The following STAC variants were observed in gnomAD, a reference collection of about 807,000 sequenced individuals.
The protein encoded by STAC is SH3 and cysteine-rich domain-containing protein.
In STAC, 43 loss-of-function variants were observed where a neutral mutation model predicts 48.8. The ratio of observed to expected loss-of-function variants is 0.88; its 90% CI spans 0.69 to 1.14. The LOEUF (loss-of-function observed/expected upper bound fraction) is 1.14. Among genes scored for constraint, STAC ranks in the 50% most tolerant of loss-of-function variants. STAC has a pLI of 0.00. For missense variants in STAC, 497 were observed against 504.0 expected (o/e 0.99, Z 0.13); for synonymous variants, 193 against 179.5 (o/e 1.07, Z -0.60).
intron 1 of STAC, among the ~76,000 whole-genome samples, chr3:36,387,119 C>A (rs1427459076): frequency 6.6e-6 from 1 of 152,066 alleles, no homozygotes; most frequent in African/African-American, 2.4e-5. Flanking sequence ...TATGTGAGGG[C>A]AGATCCATGA....
At chr3:36,490,429 G>A (rs928912756) in intron 5 of STAC, among the ~76,000 whole-genome samples, 1 of 152,154 alleles carries the variant, frequency 6.6e-6, no homozygotes, top group African/African-American at 2.4e-5. Context: ...TCAGAGTAGA[G>A]AGATCTCTGT....
At chr3:36,508,875 G>T (rs1480908979) in intron 8 of STAC, among the ~76,000 whole-genome samples, 2 of 152,076 alleles carry the variant, frequency 1.3e-5, no homozygotes, top group African/African-American at 2.4e-5. Flanking sequence ...TATCCAATTT[G>T]CCAGTCTGCA....
chr3:36,446,178 G>T (rs1696504035), intron 2 of STAC, among the ~76,000 whole-genome samples: 1 of 152,170 alleles, frequency 6.6e-6, no homozygotes, highest in African/African-American at 2.4e-5. Flanking sequence ...ATGCCCTCCA[G>T]CTAACCTAAC....
At chr3:36,467,645 T>G (rs1371410518) in intron 2 of STAC, among the ~76,000 whole-genome samples, 1 of 152,136 alleles carries the variant, frequency 6.6e-6, no homozygotes, top group African/African-American at 2.4e-5. Flanking sequence ...GCATTCATAG[T>G]AACCTTGAAT....
intron 2 of STAC, among the ~76,000 whole-genome samples, chr3:36,474,635 A>T (rs886272101): frequency 6.6e-6 from 1 of 152,192 alleles, no homozygotes; most frequent in African/African-American, 2.4e-5. Flanking sequence ...ATAAAAATAA[A>T]GCAATGGAAA....
At chr3:36,392,674 A>G (rs1162827161) in intron 1 of STAC, among the ~76,000 whole-genome samples, 1 of 152,048 alleles carries the variant, frequency 6.6e-6, no homozygotes, top group East Asian at 1.9e-4. Flanking sequence ...GCCCCTGCAG[A>G]GCTTTCAGGT....
chr3:36,445,829 C>A (rs566236769), intron 2 of STAC, among the ~76,000 whole-genome samples: 5 of 152,122 alleles, frequency 3.3e-5, no homozygotes, highest in Non-Finnish European at 7.3e-5. Context: ...TAATGATAGC[C>A]AAGAAGAATC....
At chr3:36,448,369 G>A (rs547899152) in intron 2 of STAC, among the ~76,000 whole-genome samples, 1 of 151,786 alleles carries the variant, frequency 6.6e-6, no homozygotes, top group Non-Finnish European at 1.5e-5. Context: ...TTACAGGCAG[G>A]TGCCACTGTC....
intron 1 of STAC, among the ~76,000 whole-genome samples, chr3:36,430,151 C>G (rs1415105697): frequency 6.6e-6 from 1 of 152,216 alleles, no homozygotes; most frequent in Non-Finnish European, 1.5e-5. Flanking sequence ...TCCATTCATT[C>G]AATTACTCAA....
intron 8 of STAC, among the ~76,000 whole-genome samples, chr3:36,518,442 T>C (rs910662146): frequency 6.6e-6 from 1 of 152,098 alleles, no homozygotes. Flanking sequence ...AAAAAAAGAC[T>C]ATAAGCCAAG....
chr3:36,455,357 T>C (rs1422100279), intron 2 of STAC, among the ~76,000 whole-genome samples: 1 of 152,198 alleles, frequency 6.6e-6, no homozygotes, highest in East Asian at 1.9e-4. Context: ...GAATCCTGGA[T>C]GCACTTAAGA....
At chr3:36,466,266 T>C (rs1288630354) in intron 2 of STAC, among the ~76,000 whole-genome samples, 5 of 152,198 alleles carry the variant, frequency 3.3e-5, no homozygotes, top group African/African-American at 1.2e-4. Flanking sequence ...TATGTGCCTA[T>C]TTTTATACCA....
chr3:36,534,541 A>G (rs1699151631), intron 10 of STAC, among the ~76,000 whole-genome samples: 1 of 152,008 alleles, frequency 6.6e-6, no homozygotes, highest in South Asian at 2.1e-4. Context: ...ATTAAATCAC[A>G]TTTTCTACTT....
intron 8 of STAC, among the ~76,000 whole-genome samples, chr3:36,522,595 A>G (rs1698832608): frequency 6.6e-6 from 1 of 152,204 alleles, no homozygotes. Flanking sequence ...TCCTAGGATA[A>G]ATGAGCAGAA....
intron 8 of STAC, among the ~76,000 whole-genome samples, chr3:36,524,927 T>C (rs1002060130): frequency 3.9e-5 from 6 of 152,182 alleles, no homozygotes; most frequent in African/African-American, 1.4e-4. Flanking sequence ...ACTTAGAGCG[T>C]TTGGCTAATC....
Position 36,504,446 on chromosome 3 carries a change from A to G in STAC, c.820A>G (p.Ile274Val), listed in dbSNP as rs113908517. The G allele has an allele frequency of 3.3e-4, 533 of 1,613,622 alleles. 2 individuals are homozygous for G. In the African/African-American group the frequency reaches 6.2e-3, roughly 19 times the overall value. Residue 274 changes from isoleucine to valine, a missense_variant, in exon 7 of 11, where the codon ATA becomes GTA. Coordinates refer to ENST00000273183, the MANE Select transcript of STAC (RefSeq NM_003149.3). The part of the protein sequence containing the change: ...TDDFRDPAKN[I>V]NHQGSLSKDP... The stretch of plus-strand genomic sequence containing the variant: ...TGATTTCAGAGATCCAGCGAAGAAC[A>G]TAAACCACCAGGTATTTATGGATGT...
At chr3:36,467,000 T>G (rs975437073) in intron 2 of STAC, among the ~76,000 whole-genome samples, 1 of 152,112 alleles carries the variant, frequency 6.6e-6, no homozygotes, top group African/African-American at 2.4e-5. Context: ...TGGCTTTTAT[T>G]ACCTTAAGGT....
At chr3:36,513,803 A>G (rs1413897241) in intron 8 of STAC, among the ~76,000 whole-genome samples, 1 of 151,962 alleles carries the variant, frequency 6.6e-6, no homozygotes, top group Non-Finnish European at 1.5e-5. Flanking sequence ...GTATTTCAAA[A>G]GTAGATGCTT....
At chr3:36,507,427 C>G (rs572471964) in intron 8 of STAC, among the ~76,000 whole-genome samples, 110 of 152,224 alleles carry the variant, frequency 7.2e-4, no homozygotes, top group Non-Finnish European at 1.4e-3. Flanking sequence ...TGATGCTGAC[C>G]TCATAAAATG....
Sources: allele counts gnomAD v4.1 joint callset (sites outside exome capture counted in the v4.1 genomes callset), GRCh38; gene constraint gnomAD v4.1.1; transcripts MANE v1.5; gene names NCBI Gene and HGNC (gene_info 2026-07-23, HGNC 2026-07-21).